Variants in DCDC1 observed in about 807,000 individuals in gnomAD.
DCDC1 encodes doublecortin domain-containing protein 1.
DCDC1 carries 200 observed loss-of-function variants against 178.3 expected under a neutral mutation model. The observed-to-expected ratio is 1.12, with a 90% confidence interval of 1.00 to 1.26. DCDC1 has a LOEUF of 1.26. Ranked by LOEUF, DCDC1 falls within the 50% of genes most tolerant of loss-of-function variation. The probability of loss-of-function intolerance (pLI) is 0.00; values close to 1 mark genes in which losing one functional copy is unlikely to be tolerated. For synonymous variants in DCDC1, 690 were observed against 604.8 expected (o/e 1.14, Z -2.07); for missense variants, 1,983 against 1,749.2 (o/e 1.13, Z -2.38).
At chr11:31,230,091 T>C (rs1364583148) in intron 9 of DCDC1, among the ~76,000 whole-genome samples, 1 of 152,110 alleles carries the variant, frequency 6.6e-6, no homozygotes, top group Non-Finnish European at 1.5e-5. Flanking sequence ...ATGAGATTAT[T>C]TTACATATAG....
intron 27 of DCDC1, among the ~76,000 whole-genome samples, chr11:30,914,687 T>C (rs1477092775): frequency 4.0e-5 from 6 of 149,036 alleles, no homozygotes; most frequent in African/African-American, 1.5e-4. Flanking sequence ...TCAACCAGCA[T>C]GGACCTAACA....
At chr11:31,082,128 G>A (rs180815607) in intron 17 of DCDC1, among the ~76,000 whole-genome samples, 15 of 152,138 alleles carry the variant, frequency 9.9e-5, no homozygotes, top group Middle Eastern at 6.8e-3. Context: ...CATCAATAAC[G>A]AAAGGAAGGG....
chr11:31,153,818 A>AC (rs61493499), intron 9 of DCDC1, among the ~76,000 whole-genome samples: 30 of 143,494 alleles, frequency 2.1e-4, no homozygotes, highest in Admixed American at 5.4e-4. Context: ...ACACACACAC[A>AC]ATTACCATAA....
chr11:30,933,440 A>G (rs569581171), intron 21 of DCDC1, among the ~76,000 whole-genome samples: 34 of 152,122 alleles, frequency 2.2e-4, no homozygotes, highest in Non-Finnish European at 4.1e-4. Flanking sequence ...CTAAACTCTC[A>G]TCACTTATGT....
At chr11:30,987,930 TAGAG>T (rs1950746749) in intron 20 of DCDC1, among the ~76,000 whole-genome samples, 1 of 152,078 alleles carries the variant, frequency 6.6e-6, no homozygotes, top group Admixed American at 6.6e-5. Context: ...CTGCTGTAGA[TAGAG>T]AAAGGCTTAG....
intron 20 of DCDC1, among the ~76,000 whole-genome samples, chr11:31,028,883 G>C (rs561197719): frequency 6.6e-6 from 1 of 151,856 alleles, no homozygotes; most frequent in East Asian, 1.9e-4. Flanking sequence ...TAACATTAAA[G>C]AGTATATTTT....
intron 9 of DCDC1, among the ~76,000 whole-genome samples, chr11:31,221,627 T>A (rs945480759): frequency 6.6e-6 from 1 of 152,150 alleles, no homozygotes; most frequent in Non-Finnish European, 1.5e-5. Flanking sequence ...TCCCTTTAGT[T>A]CAAACTGGTA....
rs1296101867 is a variant in DCDC1 at position 31,290,681 on chromosome 11, T to A, written c.926A>T (p.His309Leu). The change falls in exon 7 of 39, where the codon CAT becomes CTT. Residue 309 changes from histidine to leucine, a missense_variant. Transcript: ENST00000684477. Reference protein sequence around the residue: ...FFKNGMGQDGHEITVGKETMK... With the variant: ...FFKNGMGQDGLEITVGKETMK... ...TGTTTCTTTTCCCACTGTAATCTCA[T>A]GCCCATCCTGCCCCATGCCATTCTT... is the stretch of plus-strand genomic sequence containing the variant. The A allele has an allele frequency of 6.2e-6, 10 of 1,613,078 alleles. No homozygotes were observed. The highest frequency in any genetic ancestry group is 4.5e-5 in the East Asian group (2 of 44,846).
intron 20 of DCDC1, among the ~76,000 whole-genome samples, chr11:31,039,669 C>T (rs1271915075): frequency 6.6e-6 from 1 of 151,808 alleles, no homozygotes; most frequent in African/African-American, 2.4e-5. Flanking sequence ...TATGGAACAA[C>T]AAAAAACATC....
chr11:30,946,713 T>C (rs1470141644), intron 21 of DCDC1, among the ~76,000 whole-genome samples: 3 of 152,192 alleles, frequency 2.0e-5, no homozygotes, highest in Non-Finnish European at 4.4e-5. Context: ...GACAAGTTGA[T>C]TGACTCTCTG....
At chr11:31,306,416 G>C (rs1205788555) in intron 4 of DCDC1, 28 bp from the exon 5 acceptor site, 25 of 1,570,580 alleles carry the variant, frequency 1.6e-5, no homozygotes, top group Non-Finnish European at 2.1e-5. Context: ...CAGAAAAATT[G>C]ATGCATGCTA....
chr11:31,354,077 A>G (rs1951208778), intron 1 of DCDC1, among the ~76,000 whole-genome samples: 1 of 152,134 alleles, frequency 6.6e-6, no homozygotes. Flanking sequence ...CACGAGGTCA[A>G]GAGATAGAGA....
At chr11:30,961,319 C>A (rs1949082230) in intron 20 of DCDC1, among the ~76,000 whole-genome samples, 1 of 151,942 alleles carries the variant, frequency 6.6e-6, no homozygotes, top group Admixed American at 6.6e-5. Context: ...TGTATCAGGA[C>A]AAAATTGTAT....
intron 8 of DCDC1, among the ~76,000 whole-genome samples, chr11:31,255,879 A>G (rs1944389872): frequency 6.6e-6 from 1 of 152,016 alleles, no homozygotes; most frequent in Admixed American, 6.6e-5. Context: ...TTTTGATATC[A>G]TTTCTAAAAA....
chr11:30,896,735 A>G (rs1378067945), intron 34 of DCDC1, among the ~76,000 whole-genome samples: 1 of 152,206 alleles, frequency 6.6e-6, no homozygotes, highest in Non-Finnish European at 1.5e-5. Context: ...GAATCCTTAC[A>G]CCAATATTTA....
chr11:30,902,002 A>C (rs116187731), intron 32 of DCDC1, among the ~76,000 whole-genome samples: 2,723 of 152,268 alleles, frequency 0.018, 85 homozygotes, highest in African/African-American at 0.062. Context: ...TATGAGGACC[A>C]AATGAATATA....
intron 20 of DCDC1, among the ~76,000 whole-genome samples, chr11:30,989,819 C>T (rs918834020): frequency 6.6e-6 from 1 of 152,036 alleles, no homozygotes; most frequent in Non-Finnish European, 1.5e-5. Flanking sequence ...AAAAATAAAA[C>T]CAATTTGTGG....
intron 20 of DCDC1, among the ~76,000 whole-genome samples, chr11:31,017,870 G>C (rs535942532): frequency 6.6e-6 from 1 of 152,242 alleles, no homozygotes; most frequent in South Asian, 2.1e-4. Flanking sequence ...TGGGTTTATA[G>C]GTGTGAGCCA....
chr11:31,301,607 A>C (rs986847966), intron 6 of DCDC1, among the ~76,000 whole-genome samples: 2 of 152,200 alleles, frequency 1.3e-5, no homozygotes, highest in African/African-American at 2.4e-5. Flanking sequence ...ATTTTTTGAA[A>C]AACAAAATAT....
Sources: allele counts gnomAD v4.1 joint callset (sites outside exome capture counted in the v4.1 genomes callset), GRCh38; gene constraint gnomAD v4.1.1; transcripts MANE v1.5; gene names NCBI Gene and HGNC (gene_info 2026-07-23, HGNC 2026-07-21).